Variants in DACH1 observed in about 807,000 individuals in gnomAD.
DACH1 encodes the protein dachshund homolog 1.
DACH1 carries 12 observed loss-of-function variants against 54.2 expected under a neutral mutation model. The observed-to-expected ratio is 0.22, with a 90% confidence interval of 0.14 to 0.36. DACH1 has a LOEUF of 0.36. Among genes scored for constraint, DACH1 ranks in the 10% least tolerant of loss-of-function variants. The pLI, the probability that DACH1 is intolerant of heterozygous loss-of-function variation, is 1.00. For synonymous variants in DACH1, 386 were observed against 366.2 expected (o/e 1.05, Z -0.62); for missense variants, 805 against 929.8 (o/e 0.87, Z 1.75).
At chr13:71,638,289 C>T (rs1877636457) in intron 2 of DACH1, among the ~76,000 whole-genome samples, 1 of 152,182 alleles carries the variant, frequency 6.6e-6, no homozygotes, top group East Asian at 1.9e-4. Context: ...GAAATTTCGT[C>T]GACAGTGCTC....
chr13:71,526,477 T>C (rs576258654), intron 6 of DACH1, among the ~76,000 whole-genome samples: 4 of 152,204 alleles, frequency 2.6e-5, no homozygotes, highest in African/African-American at 9.6e-5. Flanking sequence ...ACATACTGAC[T>C]ACAAATATCT....
chr13:71,744,591 C>T (rs748700393), intron 1 of DACH1, among the ~76,000 whole-genome samples: 24 of 152,300 alleles, frequency 1.6e-4, no homozygotes, highest in Admixed American at 4.6e-4. Flanking sequence ...GGCAAAAACT[C>T]TTACAATTAG....
chr13:71,813,016 G>A (rs1368649649), intron 1 of DACH1, among the ~76,000 whole-genome samples: 1 of 152,034 alleles, frequency 6.6e-6, no homozygotes, highest in Non-Finnish European at 1.5e-5. Flanking sequence ...TCTTCCAATA[G>A]GTTTCATGCA....
At chr13:71,847,527 A>G (rs2138253768) in intron 1 of DACH1, among the ~76,000 whole-genome samples, 1 of 152,338 alleles carries the variant, frequency 6.6e-6, no homozygotes, top group South Asian at 2.1e-4. Flanking sequence ...TCTATTTATG[A>G]CTTTGAAAAA....
At chr13:71,666,588 T>C (rs980312332) in intron 2 of DACH1, among the ~76,000 whole-genome samples, 8 of 152,168 alleles carry the variant, frequency 5.3e-5, no homozygotes, top group Non-Finnish European at 8.8e-5. Context: ...CAGTTGAACA[T>C]GTAATAATCA....
At chr13:71,717,649 G>A (rs888803548) in intron 1 of DACH1, among the ~76,000 whole-genome samples, 4 of 151,124 alleles carry the variant, frequency 2.6e-5, no homozygotes, top group South Asian at 2.1e-4. Context: ...TGTCCATTTC[G>A]TAACTCTCAG....
At chr13:71,774,329 A>G (rs1885978361) in intron 1 of DACH1, among the ~76,000 whole-genome samples, 1 of 152,116 alleles carries the variant, frequency 6.6e-6, no homozygotes, top group African/African-American at 2.4e-5. Context: ...GGTCATGTCT[A>G]TATTTCTCAG....
chr13:71,857,925 T>G (rs1874108586), intron 1 of DACH1, among the ~76,000 whole-genome samples: 1 of 151,710 alleles, frequency 6.6e-6, no homozygotes. Flanking sequence ...AAACAATATG[T>G]CTTTAAAATA....
chr13:71,631,980 T>C (rs1212233231), intron 2 of DACH1, among the ~76,000 whole-genome samples: 1 of 151,860 alleles, frequency 6.6e-6, no homozygotes, highest in African/African-American at 2.4e-5. Context: ...GTGCCTGTAG[T>C]TCTGCTACTC....
At position 71,552,977 on chromosome 13, in the gene DACH1, T is replaced by G. The variant is rs1299127135; in HGVS notation, c.1570+4047A>C. Among the ~76,000 whole-genome samples, 5 of 144,716 alleles carry G rather than the reference T, an allele frequency of 3.5e-5. No homozygotes were observed. The East Asian group carries it at 1.0e-3, about 30-fold the overall frequency. The allele number at this position is 144,716 out of a possible 152,430, so 94.9% of individuals were successfully genotyped here. A position where few individuals can be genotyped will look rare whatever the true frequency, so the allele number is the denominator to read the frequency against. On this transcript the variant is annotated intron_variant, in intron 6 of 10. Transcript: ENST00000613252. ...CAGGTGGATCACCTGAGATCAGGAGTTCGAGACCAGCCTGGCCAACATCGT... is the reference window on the plus strand; with the variant it reads ...CAGGTGGATCACCTGAGATCAGGAGGTCGAGACCAGCCTGGCCAACATCGT...
At chr13:71,685,278 C>A (rs574315083) in intron 1 of DACH1, among the ~76,000 whole-genome samples, 1 of 152,242 alleles carries the variant, frequency 6.6e-6, no homozygotes, top group East Asian at 1.9e-4. Flanking sequence ...AGATTTATTG[C>A]TTTCAGTCTT....
intron 1 of DACH1, among the ~76,000 whole-genome samples, chr13:71,777,603 C>G (rs114953786): frequency 2.0e-5 from 3 of 152,000 alleles, no homozygotes; most frequent in East Asian, 3.9e-4. Context: ...ATATTATGTC[C>G]ATCATTTTAA....
At chr13:71,749,783 C>G (rs569340910) in intron 1 of DACH1, among the ~76,000 whole-genome samples, 1 of 152,072 alleles carries the variant, frequency 6.6e-6, no homozygotes, top group Non-Finnish European at 1.5e-5. Context: ...GTTCCGTAAC[C>G]GTCATCTCCA....
intron 6 of DACH1, among the ~76,000 whole-genome samples, chr13:71,520,622 C>A (rs1223916756): frequency 2.0e-5 from 3 of 150,802 alleles, no homozygotes; most frequent in Non-Finnish European, 3.0e-5. Context: ...GAACTATACA[C>A]ACAAAAAAAC....
intron 1 of DACH1, among the ~76,000 whole-genome samples, chr13:71,787,508 T>C (rs531171935): frequency 4.6e-5 from 7 of 152,234 alleles, no homozygotes; most frequent in Admixed American, 6.5e-5. Flanking sequence ...ATTAAAGTTA[T>C]GAGCCTTCGC....
At chr13:71,775,127 CTTTTTTTTTTTTTT>C (rs767902341) in intron 1 of DACH1, among the ~76,000 whole-genome samples, 24 of 54,028 alleles carry the variant, frequency 4.4e-4, no homozygotes, top group South Asian at 2.0e-3. Flanking sequence ...TCAACACAAG[CTTTTTTTTTTTTTT>C]TTTTTTTTTT....
At chr13:71,838,826 T>A (rs574579741) in intron 1 of DACH1, among the ~76,000 whole-genome samples, 20 of 152,248 alleles carry the variant, frequency 1.3e-4, no homozygotes, top group African/African-American at 4.8e-4. Context: ...GCAAACTCAA[T>A]CTGCGGCTGC....
intron 2 of DACH1, among the ~76,000 whole-genome samples, chr13:71,644,919 T>C (rs1878162578): frequency 6.6e-6 from 1 of 152,064 alleles, no homozygotes; most frequent in African/African-American, 2.4e-5. Flanking sequence ...TTTTCTGTAT[T>C]TGCCAAGAAT....
intron 1 of DACH1, among the ~76,000 whole-genome samples, chr13:71,863,253 C>T (rs1407213077): frequency 5.3e-5 from 8 of 151,954 alleles, no homozygotes; most frequent in Admixed American, 2.6e-4. Flanking sequence ...GAGGGAGTTC[C>T]ATTACAAGTT....
Sources: gnomAD v4.1 joint callset for allele counts (sites outside exome capture counted in the v4.1 genomes callset) on GRCh38, gnomAD v4.1.1 for gene constraint, MANE v1.5 for transcripts, NCBI Gene and HGNC (gene_info 2026-07-23, HGNC 2026-07-21) for gene names.